C8B: variants seen among roughly 807,000 people sequenced by gnomAD.
C8B encodes complement C8 beta chain.
Under a neutral mutation model 64.6 loss-of-function variants are expected in C8B, and 67 were observed. The observed-to-expected ratio is 1.04, with a 90% CI of 0.85 to 1.27. C8B has a LOEUF of 1.27. C8B is among the 50% of genes most tolerant of loss of function. C8B has a pLI of 0.00. For missense variants in C8B, 790 were observed against 725.2 expected (o/e 1.09, Z -1.03); for synonymous variants, 284 against 257.7 (o/e 1.10, Z -0.98).
chr1:56,945,247 A>G (rs1644924240), intron 7 of C8B, among the ~76,000 whole-genome samples: 1 of 152,196 alleles, frequency 6.6e-6, no homozygotes, highest in Non-Finnish European at 1.5e-5. Flanking sequence ...GGTAATAGGA[A>G]AAATAGAAAA....
At chr1:56,943,870 C>T (rs879032330) in intron 7 of C8B, 46 bp from the exon 8 acceptor site, 1 of 1,609,300 alleles carries the variant, frequency 6.2e-7, no homozygotes, top group Non-Finnish European at 8.5e-7. Flanking sequence ...AGGTAGTTCA[C>T]TCTGTCCCTT....
chr1:56,941,989 A>G (rs1333457948), intron 8 of C8B, among the ~76,000 whole-genome samples: 1 of 152,232 alleles, frequency 6.6e-6, no homozygotes, highest in Non-Finnish European at 1.5e-5. Context: ...GTTCTCATCT[A>G]TAAAGTGGAT....
rs1397225410 is a variant in C8B, at chr1:56,929,419, T to A, written c.1761A>T (p.Thr587=). The part of the protein sequence containing the change: ...GSPCSGPASE[T]LDCS ...GTATCATCTGCTAGGAGCAGTCAAG[T>A]GTTTCTGAAGCAGGGCCTGAACAGG... Residue 587 remains threonine (T), a synonymous_variant, in exon 12 of 12, where the codon ACA becomes ACT. Transcript: ENST00000371237. 4 of 1,612,114 alleles carry A rather than the reference T, an allele frequency of 2.5e-6. No individual in the cohort carries two copies. In the African/African-American group the frequency reaches 5.3e-5, roughly 22 times the overall value.
At chr1:56,929,737 A>G (rs1046813688) in intron 11 of C8B, among the ~76,000 whole-genome samples, 179 bp from the exon 12 acceptor site, 9 of 152,010 alleles carry the variant, frequency 5.9e-5, no homozygotes, top group Non-Finnish European at 1.0e-4. Flanking sequence ...GCCTTTGCAT[A>G]TGCTTTCCCC....
intron 9 of C8B, among the ~76,000 whole-genome samples, chr1:56,937,277 C>T (rs1016721981): frequency 6.6e-6 from 1 of 152,182 alleles, no homozygotes; most frequent in Non-Finnish European, 1.5e-5. Flanking sequence ...CTGTGGTGAT[C>T]TTGGGAGCAC....
At position 56,961,298 on chromosome 1, in the gene C8B, G is replaced by A. The variant is rs373934399; in HGVS notation, c.93-1122C>T. 1.2e-3 allele frequency among the ~76,000 whole-genome samples: 189 copies of A among 152,334 alleles called. 5 individuals carry two copies. In the South Asian group the frequency reaches 0.035, roughly 28 times the overall value. On this transcript the variant is annotated intron_variant, in intron 1 of 11. Transcript: ENST00000371237. ...GAGATGGGAAGACAAAAGGAATGGA[G>A]GTTTGCTGAGCACCTATGACAGACA... is the stretch of plus-strand genomic sequence containing the variant.
chr1:56,960,063 C>T lies in C8B; in HGVS notation c.206G>A (p.Ser69Asn), dbSNP rs1211889237. The T allele has an allele frequency of 6.2e-7, 1 of 1,614,150 alleles. No homozygotes were observed. The highest frequency in any genetic ancestry group is 1.7e-5 in the Admixed American group (1 of 60,018). Reference sequence around the variant, plus strand: ...GTCACATGTGGTCCAAGAGGACCAACTAGACAGCTCACAATCAATGGGCAT... The same window carrying T: ...GTCACATGTGGTCCAAGAGGACCAATTAGACAGCTCACAATCAATGGGCAT... ...TLMPIDCELS[S>N]WSSWTTCDPC... The change falls in exon 2 of 12, where the codon AGT becomes AAT. Residue 69 changes from serine to asparagine, a missense_variant. Coordinates refer to ENST00000371237, the MANE Select transcript of C8B (RefSeq NM_000066.4).
intron 3 of C8B, among the ~76,000 whole-genome samples, chr1:56,955,919 T>A (rs969791328): frequency 6.6e-6 from 1 of 152,186 alleles, no homozygotes; most frequent in Non-Finnish European, 1.5e-5. Flanking sequence ...AACCATCTGT[T>A]TGCTTGGATT....
intron 9 of C8B, among the ~76,000 whole-genome samples, chr1:56,939,329 A>G (rs1644817423): frequency 6.6e-6 from 1 of 152,026 alleles, no homozygotes; most frequent in Non-Finnish European, 1.5e-5. Flanking sequence ...GTTTGCCAGC[A>G]ACTGTACCCT....
At chr1:56,945,791 A>G (rs1417967428) in intron 7 of C8B, 30 bp downstream of exon 7, 1 of 1,613,932 alleles carries the variant, frequency 6.2e-7, no homozygotes, top group South Asian at 1.1e-5. Context: ...CCCAGCTTTT[A>G]GGAAAGCCAT....
At chr1:56,953,952 A>G (rs1645062049) in intron 4 of C8B, among the ~76,000 whole-genome samples, 1 of 152,214 alleles carries the variant, frequency 6.6e-6, no homozygotes, top group Admixed American at 6.5e-5. Flanking sequence ...GTCTCTAGTG[A>G]CAACTTTAAA....
At position 56,929,647 on chromosome 1, in the gene C8B, G is replaced by C. The variant is rs1382298614; in HGVS notation, c.1622-89C>G. The stretch of plus-strand genomic sequence containing the variant: ...TTGGGTGAGCTATGTAAGCCAAAAG[G>C]CTTTGGGAGTCTGAATCTCTGAGCT... On this transcript the variant is annotated intron_variant, in intron 11 of 11. Transcript: ENST00000371237. The C allele has an allele frequency of 2.6e-5, 33 of 1,272,964 alleles. 1 individual carries two copies. The highest frequency in any genetic ancestry group is 1.2e-4 in the Admixed American group (7 of 57,812). The allele number at this position is 1,272,964 out of a possible 1,614,324, so 78.9% of individuals were successfully genotyped here.
At chr1:56,951,293 G>A (rs1292922484) in intron 5 of C8B, among the ~76,000 whole-genome samples, 2 of 152,126 alleles carry the variant, frequency 1.3e-5, no homozygotes, top group Non-Finnish European at 2.9e-5. Context: ...AGATCTTCTA[G>A]TCTCGTCCCC....
intron 8 of C8B, 64 bp downstream of exon 8, chr1:56,943,632 A>G: frequency 1.3e-6 from 2 of 1,596,330 alleles, no homozygotes; most frequent in East Asian, 4.5e-5. Context: ...AGGTGTTGTA[A>G]TCACCAGAGG....
intron 11 of C8B, among the ~76,000 whole-genome samples, chr1:56,929,965 T>C (rs1429990413): frequency 6.6e-6 from 1 of 152,212 alleles, no homozygotes; most frequent in Non-Finnish European, 1.5e-5. Context: ...AAGAACTTTA[T>C]GGGACAATTC....
At chr1:56,958,597 T>A (rs533016413) in intron 2 of C8B, among the ~76,000 whole-genome samples, 3,717 of 152,154 alleles carry the variant, frequency 0.024, 141 homozygotes, top group African/African-American at 0.085. Context: ...CTTGAGAGGC[T>A]TTGCTGAGCC....
intron 10 of C8B, among the ~76,000 whole-genome samples, chr1:56,932,822 G>A (rs1644721587): frequency 6.6e-6 from 1 of 152,108 alleles, no homozygotes; most frequent in Non-Finnish European, 1.5e-5. Context: ...GTAACCAGTT[G>A]CTCCTGATGC....
chr1:56,942,758 G>C (rs1307290607), intron 8 of C8B, among the ~76,000 whole-genome samples: 3 of 151,796 alleles, frequency 2.0e-5, no homozygotes, highest in Non-Finnish European at 4.4e-5. Flanking sequence ...TGCAACACCT[G>C]AGCAGCATTA....
chr1:56,964,719 C>G (rs1428766549), intron 1 of C8B, among the ~76,000 whole-genome samples: 5 of 152,208 alleles, frequency 3.3e-5, no homozygotes, highest in Non-Finnish European at 7.3e-5. Flanking sequence ...TGTTGGCATT[C>G]TTTGTGAGAA....
Sources: allele counts gnomAD v4.1 joint callset (sites outside exome capture counted in the v4.1 genomes callset), GRCh38; gene constraint gnomAD v4.1.1; transcripts MANE v1.5; gene names NCBI Gene and HGNC (gene_info 2026-07-23, HGNC 2026-07-21).